The following FAM178B variants were observed in gnomAD, a reference collection of about 807,000 sequenced individuals.
The protein encoded by FAM178B is family with sequence similarity 178 member B, also known as protein FAM178B.
FAM178B carries 82 observed loss-of-function variants against 91.7 expected under a neutral mutation model. That is an observed-to-expected ratio of 0.89 (90% confidence interval 0.75 to 1.07). The LOEUF (loss-of-function observed/expected upper bound fraction) is 1.07. Among genes scored for constraint, FAM178B ranks in the 50% least tolerant of loss-of-function variants. The pLI is 0.00. For synonymous variants in FAM178B, 368 were observed against 359.4 expected (o/e 1.02, Z -0.27); for missense variants, 769 against 846.7 (o/e 0.91, Z 1.14).
chr2:96,959,156 G>A (rs560222514), intron 6 of FAM178B, among the ~76,000 whole-genome samples: 11 of 138,526 alleles, frequency 7.9e-5, no homozygotes, highest in Non-Finnish European at 1.2e-4. Context: ...CCGAGATCAC[G>A]CCACTGCACT....
intron 14 of FAM178B, among the ~76,000 whole-genome samples, chr2:96,880,164 G>A (rs1047165033): frequency 6.6e-6 from 1 of 152,200 alleles, no homozygotes; most frequent in Non-Finnish European, 1.5e-5. Context: ...GGGTTTTTTG[G>A]GGGATGGCGA....
chr2:96,924,662 G>GA (rs1309438463), intron 9 of FAM178B, among the ~76,000 whole-genome samples: 1 of 152,206 alleles, frequency 6.6e-6, no homozygotes, highest in African/African-American at 2.4e-5. Flanking sequence ...TCGTATGGCC[G>GA]AATGTACATT....
intron 1 of FAM178B, among the ~76,000 whole-genome samples, chr2:96,974,659 CA>C (rs2082266464): frequency 6.6e-6 from 1 of 151,936 alleles, no homozygotes; most frequent in African/African-American, 2.4e-5. Flanking sequence ...TGCAAGTATG[CA>C]AAAAGATATT....
Position 96,971,966 on chromosome 2 carries a change from G to A in FAM178B, c.499C>T (p.Leu167=). ...EHLDLDPKRG[L]ALPEKLFWNT... is the part of the protein sequence containing the mutation. ...CAGAACAGCTTCTCTGGCAAGGCCA[G>A]GCCCCTCTTCGGGTCCAAGTCCAGG... The change falls in exon 3 of 17, where the codon CTG becomes TTG. Residue 167 remains leucine (L), a synonymous_variant. Transcript: ENST00000490605. 1 of 1,560,000 alleles carries A rather than the reference G, an allele frequency of 6.4e-7. No individual in the cohort carries two copies. Among genetic ancestry groups the A allele is most frequent in the Non-Finnish European group, 8.7e-7 (1 of 1,152,182 alleles).
chr2:96,886,840 T>C (rs1233696652), intron 14 of FAM178B, among the ~76,000 whole-genome samples: 1 of 152,118 alleles, frequency 6.6e-6, no homozygotes, highest in Non-Finnish European at 1.5e-5. Context: ...ACTTCTGGGC[T>C]CAAGCCATCC....
chr2:96,901,090 A>T (rs1249241705), intron 13 of FAM178B, among the ~76,000 whole-genome samples: 1 of 151,938 alleles, frequency 6.6e-6, no homozygotes, highest in African/African-American at 2.4e-5. Context: ...CACCCCGTGA[A>T]GTGACGTCCT....
chr2:96,945,071 T>C (rs1194197986), intron 8 of FAM178B, among the ~76,000 whole-genome samples: 1 of 152,226 alleles, frequency 6.6e-6, no homozygotes, highest in Non-Finnish European at 1.5e-5. Context: ...TATTAATCCC[T>C]GATCCTCTCT....
At position 96,986,536 on chromosome 2, in the gene FAM178B, C is replaced by G. The variant is rs2082427569; in HGVS notation, c.-223G>C. On this transcript the variant is annotated 5_prime_UTR_variant, in exon 1 of 17. Transcript: ENST00000490605. ...CCGACTCCAAACCAAGCGGCCAGCT[C>G]ACAGCCGCCGCCGCCGCCAGCTGGG... 2 of 566,162 alleles carry G rather than the reference C, an allele frequency of 3.5e-6. No individual in the cohort carries two copies. The highest frequency in any genetic ancestry group is 3.0e-6 in the Non-Finnish European group (1 of 330,642). The allele number at this position is 566,162 out of a possible 1,614,324, so 35.1% of individuals were successfully genotyped here.
At chr2:96,901,826 A>G (rs986353257) in intron 13 of FAM178B, among the ~76,000 whole-genome samples, 4 of 152,198 alleles carry the variant, frequency 2.6e-5, no homozygotes, top group Non-Finnish European at 4.4e-5. Flanking sequence ...ATGATTACAA[A>G]AAAATTAAAT....
At chr2:96,962,736 C>A (rs2082098684) in intron 5 of FAM178B, among the ~76,000 whole-genome samples, 1 of 152,160 alleles carries the variant, frequency 6.6e-6, no homozygotes, top group African/African-American at 2.4e-5. Context: ...GAGGATGTCA[C>A]CCATTCAAGA....
intron 14 of FAM178B, among the ~76,000 whole-genome samples, chr2:96,879,859 G>A (rs901264470): frequency 1.3e-5 from 2 of 152,254 alleles, no homozygotes; most frequent in Non-Finnish European, 2.9e-5. Context: ...CGAGTTGCCC[G>A]GCCCAGCTGG....
intron 9 of FAM178B, among the ~76,000 whole-genome samples, chr2:96,926,205 A>T (rs2081435529): frequency 1.3e-5 from 2 of 152,204 alleles, no homozygotes; most frequent in Admixed American, 6.5e-5. Context: ...CAGGAGGCTG[A>T]GGCAGGAGAA....
chr2:96,920,047 C>CCG, intron 12 of FAM178B, among the ~76,000 whole-genome samples: 1 of 152,028 alleles, frequency 6.6e-6, no homozygotes, highest in Non-Finnish European at 1.5e-5. Flanking sequence ...ACAGAGGTGT[C>CCG]TGCCAAAGTT....
Position 96,986,402 on chromosome 2 carries a change from A to C in FAM178B, c.-89T>G, listed in dbSNP as rs1424924399. ...ACGGGGCCAGCTAGCCGGGAAAGGA[A>C]GCAGGAGCAGGCTCCCCAGGCGGCG... On this transcript the variant is annotated 5_prime_UTR_variant, in exon 1 of 17. Transcript: ENST00000490605. 5 of 1,454,688 alleles carry C rather than the reference A, an allele frequency of 3.4e-6. No individual in the cohort carries two copies. Among genetic ancestry groups the C allele is most frequent in the Non-Finnish European group, 4.5e-6 (5 of 1,099,770 alleles). 90.1% of individuals were successfully genotyped at this position (1,454,688 alleles called of 1,614,324 possible).
intron 8 of FAM178B, among the ~76,000 whole-genome samples, chr2:96,946,119 G>A (rs72942974): frequency 0.013 from 1,909 of 152,190 alleles, 49 homozygotes; most frequent in African/African-American, 0.044. Flanking sequence ...ACTCATATAC[G>A]TGTTTGTTCT....
intron 13 of FAM178B, 23 bp from the exon 14 acceptor site, chr2:96,894,074 T>A: frequency 6.3e-7 from 1 of 1,589,486 alleles, no homozygotes; most frequent in South Asian, 1.1e-5. Flanking sequence ...AGGGAGGCTG[T>A]CACTCACAGA....
chr2:96,945,278 C>G (rs2081804731), intron 8 of FAM178B, among the ~76,000 whole-genome samples: 1 of 152,044 alleles, frequency 6.6e-6, no homozygotes, highest in Non-Finnish European at 1.5e-5. Context: ...CCCCACCCCC[C>G]ACACACACAC....
intron 1 of FAM178B, among the ~76,000 whole-genome samples, chr2:96,982,502 A>G (rs1416877197): frequency 2.0e-5 from 3 of 152,006 alleles, no homozygotes; most frequent in Non-Finnish European, 2.9e-5. Context: ...AGCTCAAGCA[A>G]TCCACCCGCC....
chr2:96,942,899 A>C (rs1447129485), intron 8 of FAM178B, among the ~76,000 whole-genome samples: 1 of 152,244 alleles, frequency 6.6e-6, no homozygotes, highest in East Asian at 1.9e-4. Flanking sequence ...CAATAGGGAA[A>C]GAACAGTCTT....
Sources: allele counts gnomAD v4.1 joint callset (sites outside exome capture counted in the v4.1 genomes callset), GRCh38; gene constraint gnomAD v4.1.1; transcripts MANE v1.5; gene names NCBI Gene and HGNC (gene_info 2026-07-23, HGNC 2026-07-21).